HMGXB4: variants seen among roughly 807,000 people sequenced by gnomAD.
HMGXB4 encodes the protein HMG-box containing 4, also known as HMG domain-containing protein 4.
HMGXB4 carries 27 observed loss-of-function variants against 63.9 expected under a neutral mutation model. The ratio of observed to expected loss-of-function variants is 0.42; its 90% CI spans 0.31 to 0.58. HMGXB4 has a LOEUF of 0.58. Ranked by LOEUF, HMGXB4 falls within the 20% of genes least tolerant of loss-of-function variation. The pLI, the probability that HMGXB4 is intolerant of heterozygous loss-of-function variation, is 0.13. For missense variants in HMGXB4, 624 were observed against 700.7 expected, an observed-to-expected ratio of 0.89 and a Z score of 1.24; for synonymous variants, 264 against 265.3, an observed-to-expected ratio of 0.99 and a Z score of 0.05.
At position 35,294,273 on chromosome 22, in the gene HMGXB4, G is replaced by C. The variant is rs943461673; in HGVS notation, c.*622G>C. ...TGTCTCAAAATTTATTGTAATCATT[G>C]GTACCATTGGTGGCCTCAACAGAGG... On this transcript the variant is annotated 3_prime_UTR_variant, in exon 11 of 11. Transcript: ENST00000216106. 1 of 152,280 alleles carries C rather than the reference G, an allele frequency of 6.6e-6. No homozygotes were observed. Among genetic ancestry groups the C allele is most frequent in the African/African-American group, 2.4e-5 (1 of 41,404 alleles). 9.4% of individuals were successfully genotyped at this position (152,280 alleles called of 1,614,324 possible).
intron 1 of HMGXB4, among the ~76,000 whole-genome samples, chr22:35,258,914 G>C (rs1331580793): frequency 6.6e-6 from 1 of 151,962 alleles, no homozygotes; most frequent in African/African-American, 2.4e-5. Context: ...CCTTTTTTTC[G>C]ATACTCATTT....
chr22:35,252,564 C>T (rs1283181835), upstream of HMGXB4, among the ~76,000 whole-genome samples: 1 of 152,224 alleles, frequency 6.6e-6, no homozygotes, highest in Non-Finnish European at 1.5e-5. Context: ...TGAGTAATAT[C>T]CCACTGTACG....
chr22:35,265,721 G>T, intron 5 of HMGXB4, 118 bp downstream of exon 5: 2 of 1,326,674 alleles, frequency 1.5e-6, no homozygotes, highest in Non-Finnish European at 2.0e-6. Flanking sequence ...CATGTTTGGG[G>T]GATATGTTGG....
chr22:35,259,680 C>G (rs1048038338), intron 1 of HMGXB4, among the ~76,000 whole-genome samples: 3 of 152,172 alleles, frequency 2.0e-5, no homozygotes, highest in African/African-American at 7.2e-5. Context: ...AATTCAGGGC[C>G]CATCGGTCTG....
intron 8 of HMGXB4, 148 bp downstream of exon 8, chr22:35,287,600 A>G: frequency 1.6e-6 from 1 of 640,558 alleles, no homozygotes. Flanking sequence ...TACCAAAAAG[A>G]GATGTTCAAA....
intron 5 of HMGXB4, among the ~76,000 whole-genome samples, chr22:35,269,567 A>T (rs1432532862): frequency 6.6e-6 from 1 of 152,212 alleles, no homozygotes; most frequent in Non-Finnish European, 1.5e-5. Flanking sequence ...AGTACTGAAA[A>T]GGTAGGTTGG....
At position 35,264,923 on chromosome 22, in the gene HMGXB4, A is replaced by G; in HGVS notation, c.535A>G (p.Thr179Ala). 1.2e-6 allele frequency: 2 copies of G among 1,614,210 alleles called. No homozygotes were observed. The highest frequency in any genetic ancestry group is 2.2e-5 in the South Asian group (2 of 91,088). Residue 179 changes from threonine to alanine, a missense_variant, in exon 5 of 11, where the codon ACA becomes GCA. Coordinates refer to ENST00000216106, the MANE Select transcript of HMGXB4 (RefSeq NM_001003681.3). Reference protein sequence around the residue: ...SKKMKPLYVNTETLTLREPDG... With the variant: ...SKKMKPLYVNAETLTLREPDG... ...AAAAATGAAACCTCTCTATGTGAAC[A>G]CAGAGACACTGACCCTTCGGGAGCC...
chr22:35,277,292 TTTTA>T (rs1354194253), intron 5 of HMGXB4, among the ~76,000 whole-genome samples: 2 of 152,304 alleles, frequency 1.3e-5, no homozygotes, highest in African/African-American at 4.8e-5. Flanking sequence ...TCTTGTCTCA[TTTTA>T]TTTGTGTGTT....
At chr22:35,292,912 T>C in intron 9 of HMGXB4, 80 bp from the exon 10 acceptor site, 4 of 1,551,430 alleles carry the variant, frequency 2.6e-6, no homozygotes, top group Non-Finnish European at 3.5e-6. Flanking sequence ...CTGCCTAGGA[T>C]TTAAAGTACT....
At chr22:35,290,633 A>G (rs1334504616) in intron 9 of HMGXB4, among the ~76,000 whole-genome samples, 1 of 147,334 alleles carries the variant, frequency 6.8e-6, no homozygotes, top group Non-Finnish European at 1.5e-5. Context: ...TCCGCCTCAA[A>G]AAAAAAAAAA....
Position 35,265,535 on chromosome 22 carries a change from A to G in HMGXB4, c.1147A>G (p.Thr383Ala). ...TCCCCTGCCACTTCCTGGCCTCCAC[A>G]CAGATGGGCATAGTGAAAAAAAAAA... Reference protein sequence around the residue: ...APPLPLPGLHTDGHSEKKKKK... With the variant: ...APPLPLPGLHADGHSEKKKKK... The change falls in exon 5 of 11, where the codon ACA becomes GCA. Residue 383 changes from threonine to alanine, a missense_variant. Transcript: ENST00000216106. 2 of 1,612,096 alleles carry G rather than the reference A, an allele frequency of 1.2e-6. 1 individual carries two copies. The highest frequency in any genetic ancestry group is 1.7e-6 in the Non-Finnish European group (2 of 1,179,462).
chr22:35,251,300 C>A, the HMGXB4 span, among the ~76,000 whole-genome samples: 2 of 152,230 alleles, frequency 1.3e-5, no homozygotes, highest in Non-Finnish European at 2.9e-5. Context: ...TGGTCTCGAT[C>A]TCCTGACCTC....
upstream of HMGXB4, among the ~76,000 whole-genome samples, chr22:35,254,076 G>C (rs1361983020): frequency 2.0e-5 from 3 of 152,172 alleles, no homozygotes; most frequent in African/African-American, 4.8e-5. Context: ...TCTGGAAAGA[G>C]AAGAGCACAG....
At position 35,288,856 on chromosome 22, in the gene HMGXB4, A is replaced by G. The variant is rs941352393; in HGVS notation, c.1638+449A>G. Among the ~76,000 whole-genome samples the G allele has an allele frequency of 2.1e-4, 32 of 152,332 alleles. No individual in the cohort carries two copies. The South Asian group carries it at 6.4e-3, about 31-fold the overall frequency. On this transcript the variant is annotated intron_variant, in intron 9 of 10. Coordinates refer to ENST00000216106, the MANE Select transcript of HMGXB4 (RefSeq NM_001003681.3). ...TTCAAAAAATTTAAAAGAAATAAAAATGGGGCCGGGCGTGGTGGCTTATGC... is the reference window on the plus strand; with the variant it reads ...TTCAAAAAATTTAAAAGAAATAAAAGTGGGGCCGGGCGTGGTGGCTTATGC...
chr22:35,268,775 A>G (rs1923423279), intron 5 of HMGXB4, among the ~76,000 whole-genome samples: 1 of 152,220 alleles, frequency 6.6e-6, no homozygotes, highest in Non-Finnish European at 1.5e-5. Context: ...TTTACCTCTT[A>G]TTAGTCTATT....
rs1479550929 is a variant in HMGXB4 at position 35,285,908 on chromosome 22, AC to A, written c.1298-86del. 2.9e-5 allele frequency: 27 copies of A among 939,640 alleles called. 1 individual carries two copies. Among genetic ancestry groups the A allele is most frequent in the Non-Finnish European group, 3.9e-5 (24 of 617,544 alleles). 58.2% of individuals were successfully genotyped at this position (939,640 alleles called of 1,614,324 possible). A position where few individuals can be genotyped will look rare whatever the true frequency, so the allele number is the denominator to read the frequency against. On this transcript the variant is annotated intron_variant, in intron 6 of 10. Transcript: ENST00000216106. ...GCAACATTTAAATATGAGCTTCAAA[AC>A]CCTTTTCCAGTTTTTGCTTTCACCA...
At chr22:35,271,554 T>C (rs1923605699) in intron 5 of HMGXB4, among the ~76,000 whole-genome samples, 1 of 152,152 alleles carries the variant, frequency 6.6e-6, no homozygotes. Context: ...TTACAAACAA[T>C]GTGATGTTGG....
chr22:35,290,469 C>T (rs574960293), intron 9 of HMGXB4, among the ~76,000 whole-genome samples: 2 of 152,016 alleles, frequency 1.3e-5, no homozygotes, highest in African/African-American at 4.8e-5. Flanking sequence ...CGTGGTGAAA[C>T]CCCATCTCTA....
At chr22:35,289,625 A>G (rs1476605555) in intron 9 of HMGXB4, among the ~76,000 whole-genome samples, 1 of 152,220 alleles carries the variant, frequency 6.6e-6, no homozygotes, top group African/African-American at 2.4e-5. Flanking sequence ...CTCTGTTTTG[A>G]AAATAGGTAA....
Sources: gnomAD v4.1 joint callset for allele counts (sites outside exome capture counted in the v4.1 genomes callset) on GRCh38, gnomAD v4.1.1 for gene constraint, MANE v1.5 for transcripts, NCBI Gene and HGNC (gene_info 2026-07-23, HGNC 2026-07-21) for gene names.